The following DHRS3 variants were observed in gnomAD, a reference collection of about 807,000 sequenced individuals.
DHRS3 encodes the protein dehydrogenase/reductase 3.
In DHRS3, 14 loss-of-function variants were observed where a neutral mutation model predicts 27.2. The observed-to-expected ratio is 0.52, with a 90% CI of 0.34 to 0.81. DHRS3 has a LOEUF of 0.81. DHRS3 is among the 30% of genes least tolerant of loss of function. The pLI, the probability that DHRS3 is intolerant of heterozygous loss-of-function variation, is 0.01. For missense variants in DHRS3, 322 were observed against 406.2 expected (o/e 0.79, Z 1.78); for synonymous variants, 165 against 175.9 (o/e 0.94, Z 0.49).
At position 12,586,455 on chromosome 1, in the gene DHRS3, A is replaced by G. The variant is rs867947426; in HGVS notation, c.196-5789T>C. Among the ~76,000 whole-genome samples, 6 of 151,732 alleles carry G rather than the reference A, an allele frequency of 4.0e-5. No homozygotes were observed. The Middle Eastern group carries it at 0.017, about 430-fold the overall frequency. On this transcript the variant is annotated intron_variant, in intron 1 of 5. Coordinates refer to ENST00000616661, the MANE Select transcript of DHRS3 (RefSeq NM_004753.7). This position sits in a 1 kb window ranked among gnomAD's most constrained non-coding sequence, Gnocchi z 5.0. ...CTTCGTCTCCTCCAATGTCCACAAC[A>G]GCCCCGTCCATCCAGCACCACACGG... is the stretch of plus-strand genomic sequence containing the variant.
intron 1 of DHRS3, among the ~76,000 whole-genome samples, chr1:12,596,876 A>G (rs1646801772): frequency 6.6e-6 from 1 of 152,160 alleles, no homozygotes; most frequent in South Asian, 2.1e-4. Context: ...AGACCCTCAG[A>G]GAAACCAAGG....
intron 1 of DHRS3, chr1:12,616,711 G>C (rs1399179232): frequency 2.0e-6 from 2 of 1,010,636 alleles, no homozygotes; most frequent in South Asian, 8.4e-5. Context: ...GGTTGGGGCT[G>C]GGTAGCGGGT....
At chr1:12,587,365 G>A (rs1646705672) in intron 1 of DHRS3, among the ~76,000 whole-genome samples, 1 of 151,498 alleles carries the variant, frequency 6.6e-6, no homozygotes, top group African/African-American at 2.4e-5. Flanking sequence ...CTGGTCTCAA[G>A]CTCCTGGGGC....
intron 4 of DHRS3, among the ~76,000 whole-genome samples, chr1:12,575,632 A>C (rs970051354): frequency 4.6e-5 from 7 of 152,230 alleles, no homozygotes; most frequent in Admixed American, 4.6e-4. Context: ...AGTGCTTGCT[A>C]CTTGCCAGGC....
Position 12,617,326 on chromosome 1 carries a change from G to A in DHRS3, c.23C>T (p.Ala8Val). Residue 8 changes from alanine to valine, a missense_variant, in exon 1 of 6, where the codon GCG becomes GTG. By Grantham distance (64) the Ala-to-Val change is moderately conservative. Coordinates refer to ENST00000616661, the MANE Select transcript of DHRS3 (RefSeq NM_004753.7). MVWKRLG[A>V]LVMFPLQMIY... The stretch of plus-strand genomic sequence containing the variant: ...CATCTGTAGAGGGAACATCACCAGC[G>A]CGCCCAGCCGTTTCCACACCATCCT... The A allele has an allele frequency of 6.2e-7, 1 of 1,603,680 alleles. No homozygotes were observed. Among genetic ancestry groups the A allele is most frequent in the Non-Finnish European group, 8.5e-7 (1 of 1,172,050 alleles).
intron 4 of DHRS3, among the ~76,000 whole-genome samples, chr1:12,577,498 G>A (rs529519421): frequency 6.6e-6 from 1 of 152,300 alleles, no homozygotes; most frequent in East Asian, 1.9e-4. Flanking sequence ...TGGTTTGGAG[G>A]AGGAGTGGTG....
At chr1:12,606,074 G>T (rs910278306) in intron 1 of DHRS3, among the ~76,000 whole-genome samples, 1 of 148,952 alleles carries the variant, frequency 6.7e-6, no homozygotes, top group African/African-American at 2.5e-5. Context: ...GGAGGCGGAG[G>T]TTGCAGTGAG....
chr1:12,614,523 A>C (rs958461182), intron 1 of DHRS3, among the ~76,000 whole-genome samples: 1 of 151,780 alleles, frequency 6.6e-6, no homozygotes, highest in Non-Finnish European at 1.5e-5. Flanking sequence ...TAAAAAAAAA[A>C]AAACCCTCGC....
At chr1:12,580,262 G>GC (rs1048209604) in intron 2 of DHRS3, 3 of 499,278 alleles carry the variant, frequency 6.0e-6, no homozygotes, top group Non-Finnish European at 7.3e-6. Context: ...TGGGACATTT[G>GC]CCCCGCCACA....
At chr1:12,577,406 G>C (rs912336041) in intron 4 of DHRS3, among the ~76,000 whole-genome samples, 10 of 152,234 alleles carry the variant, frequency 6.6e-5, no homozygotes, top group Non-Finnish European at 2.9e-5. Context: ...CAATGTCACA[G>C]AGTACATCAC....
At chr1:12,602,132 C>G (rs140937711) in intron 1 of DHRS3, among the ~76,000 whole-genome samples, 1 of 152,086 alleles carries the variant, frequency 6.6e-6, no homozygotes, top group Non-Finnish European at 1.5e-5. Flanking sequence ...CACCGCAGCC[C>G]GGTCCTGACC....
chr1:12,577,637 C>T (rs1003365505), intron 4 of DHRS3, among the ~76,000 whole-genome samples: 29 of 152,060 alleles, frequency 1.9e-4, no homozygotes, highest in African/African-American at 4.6e-4. Context: ...TCAGCCTGGC[C>T]GACATAGTGA....
chr1:12,583,354 C>CCATCCAT (rs1646662138), intron 1 of DHRS3, among the ~76,000 whole-genome samples: 1 of 110,446 alleles, frequency 9.1e-6, no homozygotes, highest in Non-Finnish European at 2.2e-5. Context: ...CATCCATCCA[C>CCATCCAT]CCACCCATCC....
chr1:12,601,176 C>G lies in DHRS3; in HGVS notation c.195+15978G>C, dbSNP rs548888571. On this transcript the variant is annotated intron_variant, in intron 1 of 5. Coordinates refer to ENST00000616661, the MANE Select transcript of DHRS3 (RefSeq NM_004753.7). ...CCTTGCTCCTGCTCATTGTATCCCC[C>G]CATCTGCCCTGCAGAAGCCGACCTC... Among the ~76,000 whole-genome samples the G allele has an allele frequency of 7.2e-5, 11 of 152,166 alleles. No homozygotes were observed. The East Asian group carries it at 2.1e-3, about 29-fold the overall frequency.
chr1:12,618,019 A>T lies in DHRS3; in HGVS notation c.-671T>A, dbSNP rs1422130671. Among the ~76,000 whole-genome samples the T allele has an allele frequency of 6.6e-6, 1 of 151,776 alleles. No homozygotes were observed. The highest frequency in any genetic ancestry group is 2.4e-5 in the African/African-American group (1 of 41,306). Reference sequence around the variant, plus strand: ...AGGAGAAGTGGGGGGTCCGGGTGTCAGTTTCTTTACGTGCAGCGCTCGCCC... The same window carrying T: ...AGGAGAAGTGGGGGGTCCGGGTGTCTGTTTCTTTACGTGCAGCGCTCGCCC... On this transcript the variant is annotated 5_prime_UTR_variant, in exon 1 of 6. Transcript: ENST00000616661. This position sits in a 1 kb window ranked among gnomAD's most constrained non-coding sequence, Gnocchi z 4.2.
At chr1:12,613,209 G>A (rs981287156) in intron 1 of DHRS3, among the ~76,000 whole-genome samples, 1 of 152,146 alleles carries the variant, frequency 6.6e-6, no homozygotes, top group Admixed American at 6.5e-5. Flanking sequence ...GGATCTTCCC[G>A]TAGTCTTTTG....
chr1:12,573,952 A>T (rs1646563173), intron 4 of DHRS3, among the ~76,000 whole-genome samples: 1 of 152,128 alleles, frequency 6.6e-6, no homozygotes, highest in Non-Finnish European at 1.5e-5. Flanking sequence ...CTGGATCTAT[A>T]GGTGCAGGGC....
Position 12,578,665 on chromosome 1 carries a change from T to C in DHRS3, c.698+53A>G. 1 of 1,548,488 alleles carries C rather than the reference T, an allele frequency of 6.5e-7. No individual in the cohort carries two copies. The highest frequency in any genetic ancestry group is 2.3e-5 in the East Asian group (1 of 44,088). ...TTCTGCAGTTGGCTGACTGAATGGC[T>C]TGGGGAGGCAGGTGAGAAGGCTGGT... is the stretch of plus-strand genomic sequence containing the variant. On this transcript the variant is annotated intron_variant, in intron 4 of 5. Coordinates refer to ENST00000616661, the MANE Select transcript of DHRS3 (RefSeq NM_004753.7). The surrounding 1 kb of genome is among the most constrained non-coding windows in gnomAD (Gnocchi z 4.5).
chr1:12,607,462 G>A (rs1646879196), intron 1 of DHRS3, among the ~76,000 whole-genome samples: 1 of 152,202 alleles, frequency 6.6e-6, no homozygotes, highest in African/African-American at 2.4e-5. Context: ...GGTTTTATAA[G>A]TGTTCGGTAG....
Sources: allele counts gnomAD v4.1 joint callset (sites outside exome capture counted in the v4.1 genomes callset), GRCh38; gene constraint gnomAD v4.1.1; non-coding constraint Gnocchi (gnomAD v3.1); transcripts MANE v1.5; gene names NCBI Gene and HGNC (gene_info 2026-07-23, HGNC 2026-07-21).